The following OSTM1 variants were observed in gnomAD, a reference collection of about 807,000 sequenced individuals.
OSTM1 encodes osteopetrosis-associated transmembrane protein 1.
OSTM1 carries 26 observed loss-of-function variants against 35.4 expected under a neutral mutation model. That is an observed-to-expected ratio of 0.73 (90% CI 0.54 to 1.02). OSTM1 has a LOEUF of 1.02. OSTM1 is among the 50% of genes least tolerant of loss of function. The pLI is 0.00. For missense variants in OSTM1, 366 were observed against 409.6 expected (o/e 0.89, Z 0.92); for synonymous variants, 181 against 165.0 (o/e 1.10, Z -0.75).
In OSTM1 at chr6:108,044,820, T is replaced by C. The variant is rs545038341; in HGVS notation, c.970A>G (p.Thr324Ala). 61 of 1,575,998 alleles carry C rather than the reference T, an allele frequency of 3.9e-5. 2 individuals are homozygous for C. In the South Asian group the frequency reaches 6.4e-4, roughly 16 times the overall value. The part of the protein sequence containing the change: ...LILPKRLKSS[T>A]SFANIQENSN Reference sequence around the variant, plus strand: ...TTTTCCTGAATATTTGCAAAACTGGTACTGGACTTGAGACGTTTGGCTAGA... The same window carrying C: ...TTTTCCTGAATATTTGCAAAACTGGCACTGGACTTGAGACGTTTGGCTAGA... The change falls in exon 6 of 6, where the codon ACC becomes GCC. Residue 324 changes from threonine (T) to alanine (A), a missense_variant. By Grantham distance (58) the Thr-to-Ala change is moderately conservative. Transcript: ENST00000193322.
At chr6:108,057,582 T>G (rs567850341) in intron 2 of OSTM1, among the ~76,000 whole-genome samples, 53 of 152,178 alleles carry the variant, frequency 3.5e-4, no homozygotes, top group Non-Finnish European at 6.6e-4. Flanking sequence ...AACAAATAAT[T>G]TCTTTTGCAA....
intron 5 of OSTM1, 32 bp downstream of exon 5, chr6:108,049,221 A>T (rs1252558217): frequency 1.3e-6 from 2 of 1,485,802 alleles, no homozygotes; most frequent in Non-Finnish European, 1.9e-6. Context: ...ACAGGCTTTT[A>T]TCTATAAAAT....
rs1771931979 is a variant in OSTM1, at chr6:108,044,523, G to C, written c.*262C>G. 3.5e-6 allele frequency: 1 copy of C among 289,822 alleles called. No homozygotes were observed. The highest frequency in any genetic ancestry group is 5.9e-5 in the East Asian group (1 of 16,860). 18.0% of individuals were successfully genotyped at this position (289,822 alleles called of 1,614,324 possible). A position where few individuals can be genotyped will look rare whatever the true frequency, so the allele number is the denominator to read the frequency against. ...ATGCCTATAAAATAAAATAATGATT[G>C]TTCTTGCATGTTCTGTTATTGTGAC... On this transcript the variant is annotated 3_prime_UTR_variant, in exon 6 of 6. Coordinates refer to ENST00000193322, the MANE Select transcript of OSTM1 (RefSeq NM_014028.4).
intron 3 of OSTM1, among the ~76,000 whole-genome samples, chr6:108,053,891 A>G (rs1277457615): frequency 6.6e-6 from 1 of 152,230 alleles, no homozygotes; most frequent in Non-Finnish European, 1.5e-5. Flanking sequence ...TTGTTATGTA[A>G]GTTTCAAAAC....
At chr6:108,057,749 A>C (rs1772191973) in intron 2 of OSTM1, among the ~76,000 whole-genome samples, 1 of 152,228 alleles carries the variant, frequency 6.6e-6, no homozygotes, top group Admixed American at 6.5e-5. Context: ...GGGGTTAAAA[A>C]GTCTTCATTA....
intron 1 of OSTM1, among the ~76,000 whole-genome samples, chr6:108,070,432 C>T (rs1772460319): frequency 1.3e-5 from 2 of 152,186 alleles, no homozygotes; most frequent in South Asian, 4.1e-4. Flanking sequence ...TCCTATTTCC[C>T]CATATAAGGT....
intron 5 of OSTM1, 23 bp downstream of exon 5, chr6:108,049,230 A>G (rs938493091): frequency 6.5e-7 from 1 of 1,543,988 alleles, no homozygotes; most frequent in African/African-American, 1.4e-5. Context: ...TATCTATAAA[A>G]TAAATAATTG....
intron 2 of OSTM1, among the ~76,000 whole-genome samples, chr6:108,056,641 C>T (rs1345891333): frequency 2.0e-5 from 3 of 152,140 alleles, no homozygotes; most frequent in African/African-American, 7.2e-5. Flanking sequence ...AAAGGTCATT[C>T]CTGCCTCCAG....
chr6:108,054,777 T>C (rs1385077201), intron 2 of OSTM1, among the ~76,000 whole-genome samples, 190 bp from the exon 3 acceptor site: 1 of 152,234 alleles, frequency 6.6e-6, no homozygotes, highest in Non-Finnish European at 1.5e-5. Flanking sequence ...ACCATTTTCA[T>C]GAACATGTTA....
intron 2 of OSTM1, among the ~76,000 whole-genome samples, chr6:108,059,544 C>T (rs543463279): frequency 1.3e-5 from 2 of 152,258 alleles, no homozygotes; most frequent in East Asian, 3.9e-4. Context: ...CTATTTCAAG[C>T]TAAATTAAGC....
intron 2 of OSTM1, among the ~76,000 whole-genome samples, chr6:108,056,400 T>C (rs1363893295): frequency 6.6e-6 from 1 of 152,174 alleles, no homozygotes; most frequent in African/African-American, 2.4e-5. Flanking sequence ...TATATCTACA[T>C]TCTAAACCAT....
intron 1 of OSTM1, among the ~76,000 whole-genome samples, chr6:108,067,727 G>A (rs1472097932): frequency 6.6e-6 from 1 of 150,722 alleles, no homozygotes; most frequent in South Asian, 2.1e-4. Flanking sequence ...CTACTCAGGA[G>A]GCTGAGGCTG....
intron 2 of OSTM1, among the ~76,000 whole-genome samples, chr6:108,059,001 C>G (rs1244517777): frequency 6.6e-6 from 1 of 152,130 alleles, no homozygotes; most frequent in Non-Finnish European, 1.5e-5. Flanking sequence ...ATAGGTTGCT[C>G]ATAAAGAAAG....
At chr6:108,049,624 C>A in intron 4 of OSTM1, 3 of 1,242,604 alleles carry the variant, frequency 2.4e-6, no homozygotes, top group Non-Finnish European at 3.2e-6. Flanking sequence ...TATATCCATA[C>A]AGAAATTTCA....
chr6:108,064,027 A>T (rs1582395977), intron 2 of OSTM1, among the ~76,000 whole-genome samples, 158 bp downstream of exon 2: 1 of 152,372 alleles, frequency 6.6e-6, no homozygotes, highest in South Asian at 2.1e-4. Context: ...CTATTTGCTC[A>T]GTTGCCATTA....
chr6:108,058,954 AT>A (rs1772225437), intron 2 of OSTM1, among the ~76,000 whole-genome samples: 1 of 152,224 alleles, frequency 6.6e-6, no homozygotes, highest in African/African-American at 2.4e-5. Context: ...CATTATGCTC[AT>A]TAATTATCAC....
intron 5 of OSTM1, among the ~76,000 whole-genome samples, chr6:108,045,575 TA>T (rs555837523): frequency 3.3e-5 from 5 of 149,374 alleles, no homozygotes; most frequent in African/African-American, 2.5e-5. Context: ...CTCTGTATTG[TA>T]AAAAAAAAAT....
At chr6:108,048,877 G>A (rs964028775) in intron 5 of OSTM1, among the ~76,000 whole-genome samples, 5 of 147,382 alleles carry the variant, frequency 3.4e-5, no homozygotes, top group South Asian at 2.1e-4. Context: ...TCAGCCTCCC[G>A]AGTAGCTGGA....
intron 2 of OSTM1, among the ~76,000 whole-genome samples, chr6:108,055,025 G>GT (rs1255051982): frequency 6.6e-6 from 1 of 152,094 alleles, no homozygotes; most frequent in African/African-American, 2.4e-5. Context: ...GTCATTTATT[G>GT]TACCTAATGG....
Sources: allele counts gnomAD v4.1 joint callset (sites outside exome capture counted in the v4.1 genomes callset), GRCh38; gene constraint gnomAD v4.1.1; transcripts MANE v1.5; gene names NCBI Gene and HGNC (gene_info 2026-07-23, HGNC 2026-07-21).